The following EDA2R variants were observed in gnomAD, a reference collection of about 807,000 sequenced individuals.
EDA2R encodes the protein tumor necrosis factor receptor superfamily member 27.
In EDA2R, 26 loss-of-function variants were observed where a neutral mutation model predicts 20.1. That is an observed-to-expected ratio of 1.30 (90% confidence interval 0.95 to 1.80). EDA2R has a LOEUF of 1.80. Among genes scored for constraint, EDA2R ranks in the 40% most tolerant of loss-of-function variants. The pLI, the probability that EDA2R is intolerant of heterozygous loss-of-function variation, is 0.00. For synonymous variants in EDA2R, 114 were observed against 88.7 expected (o/e 1.29, Z -1.60); for missense variants, 277 against 228.7 (o/e 1.21, Z -1.36).
chrX:66,625,783 C>T (rs184892464), intron 1 of EDA2R, among the ~76,000 whole-genome samples: 148 of 112,138 alleles, frequency 1.3e-3, no homozygotes, highest in Non-Finnish European at 1.3e-3. Flanking sequence ...ACACCTCCAC[C>T]GGAACAGGTG....
chrX:66,596,762 C>CAA lies in EDA2R; in HGVS notation c.*1340_*1341dup, dbSNP rs763436197. On this transcript the variant is annotated 3_prime_UTR_variant, in exon 7 of 7. Transcript: ENST00000374719. Reference sequence around the variant, plus strand: ...AGAAAAACAAAAACAAAAACAAAAACAAAAAAAAAACAGGAAACCTAAAGG... The same window carrying CAA: ...AGAAAAACAAAAACAAAAACAAAAACAAAAAAAAAAAACAGGAAACCTAAAGG... The CAA allele has an allele frequency of 0.067, 7,087 of 105,426 alleles. 619 individuals are homozygous for CAA. The highest frequency in any genetic ancestry group is 0.23 in the African/African-American group (6,712 of 28,951). The allele number at this position is 105,426 out of a possible 1,213,427, so 8.7% of individuals were successfully genotyped here. A position where few individuals can be genotyped will look rare whatever the true frequency, so the allele number is the denominator to read the frequency against.
chrX:66,636,560 C>CT (rs1327083272), intron 1 of EDA2R, among the ~76,000 whole-genome samples: 1 of 110,052 alleles, frequency 9.1e-6, no homozygotes, highest in Non-Finnish European at 1.9e-5. Flanking sequence ...AAAGGAAGAA[C>CT]TTTTAACAGT....
Position 66,621,201 on chromosome X carries a change from C to T in EDA2R, c.-10-5171G>A, listed in dbSNP as rs772411458. 5.1e-3 allele frequency among the ~76,000 whole-genome samples: 570 copies of T among 111,134 alleles called. 1 individual carries two copies. The highest frequency in any genetic ancestry group is 7.4e-3 in the Non-Finnish European group (390 of 52,957). On this transcript the variant is annotated intron_variant, in intron 1 of 6. Transcript: ENST00000374719. ...CTGAGGCAGGAGAATTGCTTGAACCCGGGAGGCAGAGGTTGCAGTGAGCCG... is the reference window on the plus strand; with the variant it reads ...CTGAGGCAGGAGAATTGCTTGAACCTGGGAGGCAGAGGTTGCAGTGAGCCG...
At chrX:66,605,288 G>A in intron 2 of EDA2R, 62 bp from the exon 3 acceptor site, 5 of 1,090,663 alleles carry the variant, frequency 4.6e-6, no homozygotes, top group Non-Finnish European at 6.1e-6. Flanking sequence ...GATCACCTGT[G>A]GGACAAGTGG....
chrX:66,599,363 G>C lies in EDA2R; in HGVS notation c.*10+111C>G, dbSNP rs1012419765. ...CCCAAAGTGTTCCTAGCTTGCTGCT[G>C]TTCCTCCACTCCTAGTGAATAATAC... On this transcript the variant is annotated intron_variant, in intron 6 of 6. Transcript: ENST00000374719. 9.0e-6 allele frequency: 8 copies of C among 891,926 alleles called. No homozygotes were observed. The South Asian group carries it at 2.6e-4, about 29-fold the overall frequency. 73.5% of individuals were successfully genotyped at this position (891,926 alleles called of 1,213,427 possible).
intron 1 of EDA2R, among the ~76,000 whole-genome samples, chrX:66,630,892 T>C (rs1197560814): frequency 1.8e-5 from 2 of 109,563 alleles, no homozygotes; most frequent in Non-Finnish European, 3.8e-5. Context: ...TGTGTATGCA[T>C]ATATACATAT....
At chrX:66,634,550 T>A (rs1317895646) in intron 1 of EDA2R, among the ~76,000 whole-genome samples, 1 of 111,442 alleles carries the variant, frequency 9.0e-6, no homozygotes, top group Non-Finnish European at 1.9e-5. Flanking sequence ...AGCTATCAGA[T>A]AATTGAAAAC....
chrX:66,627,815 C>T (rs182588324), intron 1 of EDA2R, among the ~76,000 whole-genome samples: 91 of 111,828 alleles, frequency 8.1e-4, no homozygotes, highest in Non-Finnish European at 1.4e-3. Context: ...TAGATCTAAC[C>T]TATACCGTGG....
At chrX:66,632,964 G>T (rs752623175) in intron 1 of EDA2R, among the ~76,000 whole-genome samples, 2 of 111,651 alleles carry the variant, frequency 1.8e-5, no homozygotes, top group Non-Finnish European at 3.8e-5. Flanking sequence ...ATGAACCTGC[G>T]CAAAATTAAA....
At chrX:66,600,227 G>T (rs374047382) in intron 5 of EDA2R, 1 of 487,643 alleles carries the variant, frequency 2.1e-6, no homozygotes. Flanking sequence ...TGGAATTAAA[G>T]TTATGGATTT....
At chrX:66,632,442 G>C (rs749945169) in intron 1 of EDA2R, among the ~76,000 whole-genome samples, 29 of 107,595 alleles carry the variant, frequency 2.7e-4, no homozygotes, top group Non-Finnish European at 5.0e-4. Context: ...AGAAGCAGGA[G>C]GAGGAGGAGG....
At chrX:66,611,708 A>C (rs1930771023) in intron 2 of EDA2R, among the ~76,000 whole-genome samples, 1 of 111,261 alleles carries the variant, frequency 9.0e-6, no homozygotes, top group Admixed American at 9.6e-5. Context: ...AACAAAATAT[A>C]GAAAAATCAT....
At chrX:66,600,855 T>C (rs192784609) in intron 5 of EDA2R, among the ~76,000 whole-genome samples, 136 of 112,106 alleles carry the variant, frequency 1.2e-3, no homozygotes, top group Non-Finnish European at 2.1e-3. Flanking sequence ...TCCAGATTTC[T>C]GAATTCTCTT....
At chrX:66,631,346 A>C (rs1933795977) in intron 1 of EDA2R, among the ~76,000 whole-genome samples, 1 of 111,321 alleles carries the variant, frequency 9.0e-6, no homozygotes, top group South Asian at 3.8e-4. Context: ...CCTGTATCCC[A>C]ATAACCTATG....
chrX:66,604,021 T>C (rs1338781091), intron 4 of EDA2R, among the ~76,000 whole-genome samples: 1 of 111,827 alleles, frequency 8.9e-6, no homozygotes, highest in Non-Finnish European at 1.9e-5. Flanking sequence ...GATTGGACCC[T>C]AGTTCTTCAT....
chrX:66,611,836 C>T (rs1930792537), intron 2 of EDA2R, among the ~76,000 whole-genome samples: 1 of 111,060 alleles, frequency 9.0e-6, no homozygotes, highest in African/African-American at 3.3e-5. Flanking sequence ...AGAGGATGAA[C>T]AGATCCCAAA....
intron 2 of EDA2R, among the ~76,000 whole-genome samples, chrX:66,609,493 G>A (rs774327020): frequency 9.0e-6 from 1 of 111,477 alleles, no homozygotes; most frequent in South Asian, 3.7e-4. Flanking sequence ...AGGGTTTCTT[G>A]GAATCTCTGC....
At position 66,597,591 on chromosome X, in the gene EDA2R, C is replaced by T. The variant is rs1927680185; in HGVS notation, c.*513G>A. ...ACTTGGGAATTATGGCACGAGGCCT[C>T]CCCCAAGATAGATATTAATGTGTGT... On this transcript the variant is annotated 3_prime_UTR_variant, in exon 7 of 7. Coordinates refer to ENST00000374719, the MANE Select transcript of EDA2R (RefSeq NM_021783.5). 9.0e-6 allele frequency: 1 copy of T among 111,407 alleles called. No homozygotes were observed. The highest frequency in any genetic ancestry group is 3.3e-5 in the African/African-American group (1 of 30,540). 9.2% of individuals were successfully genotyped at this position (111,407 alleles called of 1,213,427 possible). A position where few individuals can be genotyped will look rare whatever the true frequency, so the allele number is the denominator to read the frequency against.
chrX:66,621,552 G>A (rs1312055683), intron 1 of EDA2R, among the ~76,000 whole-genome samples: 1 of 112,472 alleles, frequency 8.9e-6, no homozygotes, highest in Non-Finnish European at 1.9e-5. Flanking sequence ...TCCATACAAT[G>A]AAAATTATTC....
Sources: allele counts gnomAD v4.1 joint callset (sites outside exome capture counted in the v4.1 genomes callset), GRCh38; gene constraint gnomAD v4.1.1; transcripts MANE v1.5; gene names NCBI Gene and HGNC (gene_info 2026-07-23, HGNC 2026-07-21).